AHRR: variants seen among roughly 807,000 people sequenced by gnomAD.
AHRR encodes the protein aryl hydrocarbon receptor repressor, also known as ahR repressor.
In AHRR, 28 loss-of-function variants were observed where a neutral mutation model predicts 44.0. That is an observed-to-expected ratio of 0.64 (90% CI 0.47 to 0.87). The LOEUF (loss-of-function observed/expected upper bound fraction) is 0.87. AHRR is among the 40% of genes least tolerant of loss of function. AHRR has a pLI of 0.00. For missense variants in AHRR, 990 were observed against 953.9 expected (o/e 1.04, Z -0.50); for synonymous variants, 434 against 407.0 (o/e 1.07, Z -0.80).
intron 2 of AHRR, 130 bp downstream of exon 2, chr5:344,094 G>A: frequency 1.0e-6 from 1 of 1,003,866 alleles, no homozygotes. Context: ...GCGGGCCGGG[G>A]CTGAGCTCCG....
intron 4 of AHRR, among the ~76,000 whole-genome samples, chr5:378,052 G>T (rs1159980310): frequency 6.6e-6 from 1 of 152,230 alleles, no homozygotes; most frequent in Admixed American, 6.5e-5. Context: ...CTGGCCCACG[G>T]AAATTTCTGG....
At chr5:356,388 T>C (rs1165921995) in intron 3 of AHRR, among the ~76,000 whole-genome samples, 1 of 152,228 alleles carries the variant, frequency 6.6e-6, no homozygotes, top group Non-Finnish European at 1.5e-5. Flanking sequence ...TGAAGCCCAG[T>C]TGTGGGTCAG....
intron 4 of AHRR, among the ~76,000 whole-genome samples, chr5:389,695 C>T (rs1418646032): frequency 2.6e-5 from 4 of 151,870 alleles, no homozygotes; most frequent in African/African-American, 7.3e-5. Flanking sequence ...GGGGGTCTGA[C>T]GGCCCAGAGA....
intron 4 of AHRR, among the ~76,000 whole-genome samples, chr5:396,198 T>C (rs1734698555): frequency 6.6e-6 from 1 of 152,080 alleles, no homozygotes; most frequent in South Asian, 2.1e-4. Flanking sequence ...CCAGGACAAA[T>C]GCAGGGTATG....
Position 427,982 on chromosome 5 carries a change from A to C in AHRR, c.884A>C (p.Asp295Ala), listed in dbSNP as rs1028281257. The C allele has an allele frequency of 6.2e-7, 1 of 1,613,966 alleles. No homozygotes were observed. Among genetic ancestry groups the C allele is most frequent in the Non-Finnish European group, 8.5e-7 (1 of 1,180,028 alleles). ...CTCCTGAGGGCAAAACCCAGAGCAG[A>C]CACCGCAGCCACCGCGGATGCAAAG... ...SALLRAKPRA[D>A]TAATADAKVK... Residue 295 changes from aspartate (D) to alanine (A), a missense_variant, in exon 8 of 11, where the codon GAC becomes GCC. Physicochemically the swap from Asp to Ala is moderately radical, Grantham distance 126. Coordinates refer to ENST00000684583, the MANE Select transcript of AHRR (RefSeq NM_001377236.1).
At position 389,933 on chromosome 5, in the gene AHRR, GA is replaced by G. The variant is rs1447540126; in HGVS notation, c.351+13218del. 4.5e-4 allele frequency among the ~76,000 whole-genome samples: 52 copies of G among 116,002 alleles called. 1 individual carries two copies. Among genetic ancestry groups the G allele is most frequent in the African/African-American group, 1.5e-3 (48 of 30,980 alleles). The allele number at this position is 116,002 out of a possible 152,430, so 76.1% of individuals were successfully genotyped here. ...AGGGGAAGGGAGGGAGGGGGAGGGG[GA>G]GGGGAAGGGAGGGAGGGGGAGGGGA... On this transcript the variant is annotated intron_variant, in intron 4 of 10. Coordinates refer to ENST00000684583, the MANE Select transcript of AHRR (RefSeq NM_001377236.1).
intron 4 of AHRR, among the ~76,000 whole-genome samples, chr5:397,851 TTAGCCCCTGA>T: frequency 1.5e-5 from 1 of 66,020 alleles, no homozygotes; most frequent in Non-Finnish European, 2.8e-5. Flanking sequence ...CCTGACCATG[TTAGCCCCTGA>T]CCATCCCTGT....
At chr5:346,970 G>A (rs1742701353) in intron 2 of AHRR, among the ~76,000 whole-genome samples, 1 of 152,154 alleles carries the variant, frequency 6.6e-6, no homozygotes, top group Admixed American at 6.5e-5. Context: ...TCGTGTATTG[G>A]GAGGATGAAA....
At chr5:345,330 GTGGGGA>G (rs1560885265) in intron 2 of AHRR, among the ~76,000 whole-genome samples, 10 of 43,370 alleles carry the variant, frequency 2.3e-4, no homozygotes, top group African/African-American at 1.1e-3. Context: ...GTGTGTGTGT[GTGGGGA>G]TGTGTGTGTG....
intron 4 of AHRR, among the ~76,000 whole-genome samples, chr5:412,984 A>G (rs1442643260): frequency 6.6e-6 from 1 of 152,156 alleles, no homozygotes; most frequent in Admixed American, 6.5e-5. Context: ...AGAAAAGCCA[A>G]AGGATATCCC....
At chr5:335,107 C>T (rs1742073173) in intron 1 of AHRR, among the ~76,000 whole-genome samples, 1 of 152,072 alleles carries the variant, frequency 6.6e-6, no homozygotes, top group African/African-American at 2.4e-5. Flanking sequence ...CATGTCTATC[C>T]TTGTGCCCCA....
chr5:339,692 A>C (rs956925085), intron 1 of AHRR, among the ~76,000 whole-genome samples: 7 of 152,034 alleles, frequency 4.6e-5, no homozygotes, highest in African/African-American at 1.7e-4. Flanking sequence ...GTTCTTTATC[A>C]CGTTAATTAA....
chr5:334,519 T>C (rs1450845372), intron 1 of AHRR, among the ~76,000 whole-genome samples: 1 of 152,018 alleles, frequency 6.6e-6, no homozygotes, highest in Non-Finnish European at 1.5e-5. Context: ...AGCTTTCAAA[T>C]GTATTTTGTA....
chr5:405,639 G>A lies in AHRR; in HGVS notation c.352-7705G>A, dbSNP rs1735222577. Among the ~76,000 whole-genome samples, 1 of 152,144 alleles carries A rather than the reference G, an allele frequency of 6.6e-6. No homozygotes were observed. The highest frequency in any genetic ancestry group is 1.5e-5 in the Non-Finnish European group (1 of 68,030). ...TGGGCGGCACACCCTTCAGGTCGGT[G>A]GGAGTGAGGGCCTTCGGGTCGCCGG... On this transcript the variant is annotated intron_variant, in intron 4 of 10. Transcript: ENST00000684583. The surrounding 1 kb of genome is among the most constrained non-coding windows in gnomAD (Gnocchi z 4.5).
chr5:350,382 C>T (rs1164208138), intron 2 of AHRR, among the ~76,000 whole-genome samples: 1 of 152,242 alleles, frequency 6.6e-6, no homozygotes, highest in Non-Finnish European at 1.5e-5. Flanking sequence ...GCACCTCCCA[C>T]ACCTGTTTCT....
At chr5:426,872 G>A (rs111163136) in intron 7 of AHRR, among the ~76,000 whole-genome samples, 10 of 108,128 alleles carry the variant, frequency 9.2e-5, no homozygotes, top group South Asian at 2.9e-4. Flanking sequence ...TGGATGGATG[G>A]ATGGATGGGT....
chr5:355,484 T>G (rs113931319), intron 3 of AHRR, among the ~76,000 whole-genome samples: 9,893 of 152,186 alleles, frequency 0.065, 522 homozygotes, highest in Non-Finnish European at 0.087. Context: ...TGAAGACCTG[T>G]CACATCGGCT....
At chr5:389,290 G>A (rs1734305007) in intron 4 of AHRR, among the ~76,000 whole-genome samples, 1 of 152,206 alleles carries the variant, frequency 6.6e-6, no homozygotes, top group African/African-American at 2.4e-5. Flanking sequence ...GGAAGAGGCT[G>A]TGAACCAGGC....
chr5:368,574 A>G (rs1743454089), intron 3 of AHRR, among the ~76,000 whole-genome samples: 1 of 152,274 alleles, frequency 6.6e-6, no homozygotes, highest in Non-Finnish European at 1.5e-5. Context: ...TGAAGAGAAT[A>G]TGGATTTGCA....
Sources: gnomAD v4.1 joint callset for allele counts (sites outside exome capture counted in the v4.1 genomes callset) on GRCh38, gnomAD v4.1.1 for gene constraint, Gnocchi (gnomAD v3.1) non-coding constraint, MANE v1.5 for transcripts, NCBI Gene and HGNC (gene_info 2026-07-23, HGNC 2026-07-21) for gene names.